The following PCDHGA7 variants were observed in gnomAD, a reference collection of about 807,000 sequenced individuals.
PCDHGA7 encodes the protein protocadherin gamma-A7.
PCDHGA7 carries 44 observed loss-of-function variants against 58.3 expected under a neutral mutation model. The observed-to-expected ratio is 0.75, with a 90% CI of 0.59 to 0.97. The LOEUF is 0.97. PCDHGA7 is among the 50% of genes least tolerant of loss of function. The pLI, the probability that PCDHGA7 is intolerant of heterozygous loss-of-function variation, is 0.00. For missense variants in PCDHGA7, 1,266 were observed against 1,188.7 expected (o/e 1.06, Z -0.96); for synonymous variants, 516 against 504.2 (o/e 1.02, Z -0.31).
chr5:141,505,246 G>C, intron 2 of PCDHGA7, 147 bp from the exon 3 acceptor site: 2 of 1,436,674 alleles, frequency 1.4e-6, no homozygotes, highest in Non-Finnish European at 1.9e-6. Flanking sequence ...AAGGATTGTA[G>C]AAGTGCCTCC....
At chr5:141,398,606 C>T in intron 1 of PCDHGA7, 1 of 1,614,000 alleles carries the variant, frequency 6.2e-7, no homozygotes, top group Non-Finnish European at 8.5e-7. Context: ...GCAGAAGATG[C>T]AGATATTGGC....
chr5:141,481,835 C>T (rs892868552), intron 1 of PCDHGA7, among the ~76,000 whole-genome samples: 5 of 149,932 alleles, frequency 3.3e-5, no homozygotes, highest in Non-Finnish European at 7.4e-5. Flanking sequence ...GCAGGAGAAT[C>T]GCTTGATGGT....
At chr5:141,421,531 T>G (rs1318944446) in intron 1 of PCDHGA7, 1 of 1,613,904 alleles carries the variant, frequency 6.2e-7, no homozygotes, top group Non-Finnish European at 8.5e-7. Flanking sequence ...GACGGTGTCC[T>G]CCTGTTTTTT....
intron 2 of PCDHGA7, among the ~76,000 whole-genome samples, chr5:141,500,812 T>C: frequency 6.6e-6 from 1 of 152,322 alleles, no homozygotes; most frequent in South Asian, 2.1e-4. Flanking sequence ...CATATGAATA[T>C]ACATATTATT....
chr5:141,507,206 G>A (rs1392293998), intron 3 of PCDHGA7: 2 of 152,376 alleles, frequency 1.3e-5, no homozygotes, highest in African/African-American at 4.8e-5. Flanking sequence ...CCAGATCAGG[G>A]TTGCCAGATA....
rs141151122 is a variant in PCDHGA7, at chr5:141,491,445, C to T, written c.2425-3362C>T. ...GAGGGCAGTGCTGCAGGCGCCAGGA[C>T]TCACCCTCCCCGGACTTCTATAAGC... is the stretch of plus-strand genomic sequence containing the variant. On this transcript the variant is annotated intron_variant, in intron 1 of 3. Transcript: ENST00000518325. This position sits in a 1 kb window ranked among gnomAD's most constrained non-coding sequence, Gnocchi z 6.9. 1 of 1,614,112 alleles carries T rather than the reference C, an allele frequency of 6.2e-7. No individual in the cohort carries two copies. The highest frequency in any genetic ancestry group is 8.5e-7 in the Non-Finnish European group (1 of 1,180,032).
chr5:141,469,552 C>G (rs956606902), intron 1 of PCDHGA7, among the ~76,000 whole-genome samples: 1 of 151,910 alleles, frequency 6.6e-6, no homozygotes, highest in African/African-American at 2.4e-5. Context: ...TCCAGCCTGG[C>G]GACAGAGTGA....
intron 1 of PCDHGA7, among the ~76,000 whole-genome samples, chr5:141,459,619 A>G (rs995987344): frequency 6.6e-6 from 1 of 152,238 alleles, no homozygotes; most frequent in Non-Finnish European, 1.5e-5. Context: ...TTAACTTTAT[A>G]AGAAGCTGCC....
Position 141,432,548 on chromosome 5 carries a change from G to T in PCDHGA7, c.2424+47225G>T, listed in dbSNP as rs1251651638. On this transcript the variant is annotated intron_variant, in intron 1 of 3. Coordinates refer to ENST00000518325, the MANE Select transcript of PCDHGA7 (RefSeq NM_018920.4). The surrounding 1 kb of genome is among the most constrained non-coding windows in gnomAD (Gnocchi z 6.0). ...GACCAAGGTGGTGGCGGTGGACAGA[G>T]ACTCCGGCCAGAACGCCTGGCTGTC... 1.9e-6 allele frequency: 3 copies of T among 1,613,998 alleles called. No homozygotes were observed. The South Asian group carries it at 3.3e-5, about 18-fold the overall frequency.
intron 2 of PCDHGA7, among the ~76,000 whole-genome samples, chr5:141,499,689 CTTTTTTT>C (rs545067566): frequency 8.3e-6 from 1 of 119,856 alleles, no homozygotes; most frequent in Non-Finnish European, 1.7e-5. Flanking sequence ...TAACAGATGA[CTTTTTTT>C]TTTTTTTTTT....
intron 1 of PCDHGA7, chr5:141,418,101 G>T: frequency 6.2e-7 from 1 of 1,614,082 alleles, no homozygotes; most frequent in Non-Finnish European, 8.5e-7. Context: ...GACGCGCAGA[G>T]CGGGGACTTA....
intron 1 of PCDHGA7, chr5:141,492,007 C>T (rs1261430567): frequency 3.0e-5 from 19 of 628,956 alleles, no homozygotes; most frequent in Non-Finnish European, 4.6e-5. Flanking sequence ...GCGATTTCCG[C>T]GGGTGTCGGG....
chr5:141,393,250 C>G, intron 1 of PCDHGA7: 11 of 1,613,824 alleles, frequency 6.8e-6, no homozygotes, highest in South Asian at 1.1e-5. Flanking sequence ...AACGAAATCG[C>G]GGTTCCTGGA....
intron 1 of PCDHGA7, among the ~76,000 whole-genome samples, chr5:141,484,752 A>G (rs181317421): frequency 6.6e-5 from 10 of 151,098 alleles, no homozygotes; most frequent in Admixed American, 3.3e-4. Context: ...AAAAAAATGT[A>G]TATATATATA....
intron 1 of PCDHGA7, among the ~76,000 whole-genome samples, chr5:141,424,923 T>C (rs1428936860): frequency 6.6e-6 from 1 of 152,186 alleles, no homozygotes; most frequent in African/African-American, 2.4e-5. Flanking sequence ...CCATAATCAA[T>C]TCAGTCAACA....
intron 1 of PCDHGA7, among the ~76,000 whole-genome samples, chr5:141,460,093 A>T (rs2098981983): frequency 6.6e-6 from 1 of 151,964 alleles, no homozygotes. Flanking sequence ...TAATAATTAT[A>T]CATGTAATTA....
chr5:141,390,103 A>G (rs757288667), intron 1 of PCDHGA7: 2 of 1,613,996 alleles, frequency 1.2e-6, no homozygotes, highest in South Asian at 1.1e-5. Flanking sequence ...GTTCCCCCCA[A>G]CTACAGCGAG....
intron 1 of PCDHGA7, chr5:141,414,381 T>A: frequency 6.2e-7 from 1 of 1,613,866 alleles, no homozygotes. Context: ...AAAAGTCCAT[T>A]GACAGTTATT....
At chr5:141,502,488 T>A (rs1273845698) in intron 2 of PCDHGA7, among the ~76,000 whole-genome samples, 1 of 152,236 alleles carries the variant, frequency 6.6e-6, no homozygotes, top group Non-Finnish European at 1.5e-5. Context: ...ACACTGGGAC[T>A]CATCTAACGT....
Sources: allele counts gnomAD v4.1 joint callset (sites outside exome capture counted in the v4.1 genomes callset), GRCh38; gene constraint gnomAD v4.1.1; non-coding constraint Gnocchi (gnomAD v3.1); transcripts MANE v1.5; gene names NCBI Gene and HGNC (gene_info 2026-07-23, HGNC 2026-07-21).